Variants in PPP1R12B observed in about 807,000 individuals in gnomAD.
PPP1R12B encodes the protein protein phosphatase 1 regulatory subunit 12B.
PPP1R12B carries 76 observed loss-of-function variants against 126.1 expected under a neutral mutation model. That is an observed-to-expected ratio of 0.60 (90% CI 0.50 to 0.73). The LOEUF is 0.73. Among genes scored for constraint, PPP1R12B ranks in the 30% least tolerant of loss-of-function variants. The probability of loss-of-function intolerance (pLI) is 0.00; values close to 1 mark genes in which losing one functional copy is unlikely to be tolerated. For synonymous variants in PPP1R12B, 356 were observed against 434.7 expected (o/e 0.82, Z 2.25); for missense variants, 1,052 against 1,205.1 (o/e 0.87, Z 1.88).
intron 18 of PPP1R12B, chr1:202,540,062 A>T (rs1684947523): frequency 2.0e-6 from 3 of 1,465,730 alleles, no homozygotes; most frequent in Non-Finnish European, 2.7e-6. Flanking sequence ...AGATTCTGTG[A>T]GGGTAACCTA....
intron 1 of PPP1R12B, among the ~76,000 whole-genome samples, chr1:202,351,449 G>A (rs1655990336): frequency 6.6e-6 from 1 of 152,146 alleles, no homozygotes; most frequent in Non-Finnish European, 1.5e-5. Flanking sequence ...ATGTTGGCCA[G>A]GCTGGTCTCA....
intron 1 of PPP1R12B, among the ~76,000 whole-genome samples, chr1:202,385,965 G>T (rs1663055477): frequency 6.7e-6 from 1 of 150,234 alleles, no homozygotes. Context: ...ACGGAGTCTT[G>T]CTCTGTCACC....
chr1:202,450,847 T>C (rs1335816466), intron 13 of PPP1R12B, among the ~76,000 whole-genome samples: 1 of 152,244 alleles, frequency 6.6e-6, no homozygotes, highest in African/African-American at 2.4e-5. Flanking sequence ...TCTGGGTCTT[T>C]TGTAGTTCCA....
chr1:202,379,793 A>G (rs1269519774), intron 1 of PPP1R12B, among the ~76,000 whole-genome samples: 3 of 152,198 alleles, frequency 2.0e-5, no homozygotes, highest in African/African-American at 7.2e-5. Flanking sequence ...GCTTGGTTAT[A>G]CATCAGAATA....
intron 1 of PPP1R12B, among the ~76,000 whole-genome samples, chr1:202,370,352 A>G (rs903384917): frequency 5.3e-5 from 8 of 152,100 alleles, no homozygotes; most frequent in Non-Finnish European, 8.8e-5. Context: ...GTAGTATTCC[A>G]TTGTGTGAGT....
chr1:202,515,852 G>T (rs1350051927), intron 18 of PPP1R12B, among the ~76,000 whole-genome samples: 2 of 152,146 alleles, frequency 1.3e-5, no homozygotes, highest in Admixed American at 6.5e-5. Flanking sequence ...ACCACACCTG[G>T]CCTCGTAGTG....
intron 12 of PPP1R12B, among the ~76,000 whole-genome samples, chr1:202,446,318 G>A (rs1383575295): frequency 7.2e-6 from 1 of 138,122 alleles, no homozygotes; most frequent in African/African-American, 2.7e-5. Flanking sequence ...CAGTGGTGCA[G>A]TCTTGGCTGA....
intron 1 of PPP1R12B, among the ~76,000 whole-genome samples, chr1:202,409,538 T>A (rs567583546): frequency 6.6e-6 from 1 of 152,150 alleles, no homozygotes; most frequent in Non-Finnish European, 1.5e-5. Flanking sequence ...GCCAGGATGG[T>A]CTCAATCTCC....
At chr1:202,364,721 C>T (rs1021759235) in intron 1 of PPP1R12B, among the ~76,000 whole-genome samples, 20 of 152,212 alleles carry the variant, frequency 1.3e-4, no homozygotes, top group African/African-American at 3.9e-4. Flanking sequence ...GGACTACAGG[C>T]GCCCGCCACC....
intron 18 of PPP1R12B, among the ~76,000 whole-genome samples, chr1:202,544,602 T>A (rs1685465656): frequency 6.6e-6 from 1 of 152,204 alleles, no homozygotes; most frequent in Non-Finnish European, 1.5e-5. Context: ...ACATTTTCAT[T>A]GAATTGGTAT....
intron 13 of PPP1R12B, among the ~76,000 whole-genome samples, chr1:202,449,567 C>T (rs1485693542): frequency 6.6e-5 from 10 of 152,068 alleles, no homozygotes; most frequent in Non-Finnish European, 1.2e-4. Flanking sequence ...TGAGCCACTG[C>T]GCCCAGCCTG....
chr1:202,566,013 G>A (rs533286758), intron 21 of PPP1R12B, among the ~76,000 whole-genome samples: 6 of 152,292 alleles, frequency 3.9e-5, no homozygotes, highest in Non-Finnish European at 8.8e-5. Context: ...TCTTATGCTG[G>A]TTCTTGTCAG....
At chr1:202,368,232 A>C (rs1476262944) in intron 1 of PPP1R12B, among the ~76,000 whole-genome samples, 1 of 152,044 alleles carries the variant, frequency 6.6e-6, no homozygotes, top group Non-Finnish European at 1.5e-5. Flanking sequence ...CGGCCTCCCA[A>C]AGTGCTGGGA....
chr1:202,524,476 T>C (rs1287496183), intron 18 of PPP1R12B, among the ~76,000 whole-genome samples: 1 of 152,326 alleles, frequency 6.6e-6, no homozygotes, highest in East Asian at 1.9e-4. Context: ...ATCCAAGCAG[T>C]GTACACTGTA....
intron 1 of PPP1R12B, among the ~76,000 whole-genome samples, chr1:202,385,467 A>G (rs1249882841): frequency 6.6e-6 from 1 of 152,260 alleles, no homozygotes; most frequent in Non-Finnish European, 1.5e-5. Context: ...AGCAAACACC[A>G]TAAAAATCTT....
At chr1:202,378,992 C>T (rs1460178622) in intron 1 of PPP1R12B, among the ~76,000 whole-genome samples, 1 of 152,156 alleles carries the variant, frequency 6.6e-6, no homozygotes, top group African/African-American at 2.4e-5. Context: ...TCTCTATATT[C>T]TTTCGTCTTT....
chr1:202,521,001 A>G (rs1233752793), intron 18 of PPP1R12B, among the ~76,000 whole-genome samples: 2 of 152,070 alleles, frequency 1.3e-5, no homozygotes, highest in East Asian at 1.9e-4. Flanking sequence ...GCACAATACA[A>G]ATAGGAGCTG....
At chr1:202,516,698 G>T (rs1682186872) in intron 18 of PPP1R12B, among the ~76,000 whole-genome samples, 1 of 152,022 alleles carries the variant, frequency 6.6e-6, no homozygotes, top group Non-Finnish European at 1.5e-5. Context: ...TTGGCACATT[G>T]TGGTACCTGA....
intron 10 of PPP1R12B, chr1:202,439,539 C>G (rs1030549185): frequency 3.9e-6 from 6 of 1,522,082 alleles, no homozygotes; most frequent in Non-Finnish European, 4.5e-6. Flanking sequence ...GGGTGTGGCG[C>G]TCTCTGTGGT....
Sources: allele counts gnomAD v4.1 joint callset (sites outside exome capture counted in the v4.1 genomes callset), GRCh38; gene constraint gnomAD v4.1.1; transcripts MANE v1.5; gene names NCBI Gene and HGNC (gene_info 2026-07-23, HGNC 2026-07-21).